Variants in SEMA3C observed in about 807,000 individuals in gnomAD.
SEMA3C encodes semaphorin-3C.
In SEMA3C, 47 loss-of-function variants were observed where a neutral mutation model predicts 89.4. The observed-to-expected ratio is 0.53, with a 90% CI of 0.42 to 0.67. SEMA3C has a LOEUF of 0.67. Ranked by LOEUF, SEMA3C falls within the 30% of genes least tolerant of loss-of-function variation. The pLI is 0.00. For missense variants in SEMA3C, 839 were observed against 929.1 expected, an observed-to-expected ratio of 0.90 and a Z score of 1.26; for synonymous variants, 310 against 320.2, an observed-to-expected ratio of 0.97 and a Z score of 0.34.
chr7:80,887,885 T>C (rs1791520799), intron 2 of SEMA3C, among the ~76,000 whole-genome samples: 1 of 152,214 alleles, frequency 6.6e-6, no homozygotes, highest in Admixed American at 6.5e-5. Flanking sequence ...ACATCTCTGA[T>C]TGTAATTTTG....
At chr7:80,864,958 T>C (rs1790890557) in intron 2 of SEMA3C, among the ~76,000 whole-genome samples, 1 of 152,168 alleles carries the variant, frequency 6.6e-6, no homozygotes, top group Non-Finnish European at 1.5e-5. Context: ...TTTCCAGCTC[T>C]CCTCACATCT....
chr7:80,768,183 G>T (rs753844646), intron 12 of SEMA3C, among the ~76,000 whole-genome samples: 3 of 152,144 alleles, frequency 2.0e-5, no homozygotes, highest in Admixed American at 2.0e-4. Context: ...TTAATTAAAA[G>T]GCTCTGAAAT....
intron 16 of SEMA3C, among the ~76,000 whole-genome samples, chr7:80,749,236 CTG>C (rs566388113): frequency 1.5e-4 from 23 of 152,250 alleles, no homozygotes; most frequent in African/African-American, 5.5e-4. Context: ...GAAGGAAAGA[CTG>C]TGAATTAAGG....
At chr7:80,914,103 CTCTG>C (rs1182635724) in intron 2 of SEMA3C, among the ~76,000 whole-genome samples, 3 of 152,158 alleles carry the variant, frequency 2.0e-5, no homozygotes, top group African/African-American at 4.8e-5. Context: ...TGCAAATGAC[CTCTG>C]TCTAATACAA....
chr7:80,872,993 C>A (rs546923011), intron 2 of SEMA3C, among the ~76,000 whole-genome samples: 50 of 151,546 alleles, frequency 3.3e-4, no homozygotes, highest in Admixed American at 3.0e-3. Context: ...CCTTGTGGAC[C>A]CCCTGAAAGA....
At position 80,745,147 on chromosome 7, in the gene SEMA3C, G is replaced by T; in HGVS notation, c.2003C>A (p.Ala668Asp). The change falls in exon 18 of 18, where the codon GCT becomes GAT. Residue 668 changes from alanine to aspartate, a missense_variant. Physicochemically the swap from Ala to Asp is moderately radical, Grantham distance 126. Transcript: ENST00000265361. ...NFKVLDSEMV[A>D]VVTDKWSPWT... is the part of the protein sequence containing the mutation. Reference sequence around the variant, plus strand: ...TGGGGACCATTTGTCCGTCACAACAGCCACCATTTCTGAATCTAAAACTTT... The same window carrying T: ...TGGGGACCATTTGTCCGTCACAACATCCACCATTTCTGAATCTAAAACTTT... The T allele has an allele frequency of 6.2e-7, 1 of 1,614,032 alleles. No homozygotes were observed.
intron 2 of SEMA3C, among the ~76,000 whole-genome samples, chr7:80,912,289 C>T (rs1288333571): frequency 6.6e-6 from 1 of 152,182 alleles, no homozygotes; most frequent in Non-Finnish European, 1.5e-5. Context: ...TTTCCTCCCT[C>T]CAATTCAAGT....
chr7:80,872,212 G>A (rs751317521), intron 2 of SEMA3C, among the ~76,000 whole-genome samples: 2 of 151,970 alleles, frequency 1.3e-5, no homozygotes, highest in African/African-American at 4.8e-5. Context: ...GTGCAGTGGC[G>A]CAATCTCGGC....
At chr7:80,796,561 C>G (rs1789070623) in intron 11 of SEMA3C, 1 of 152,104 alleles carries the variant, frequency 6.6e-6, no homozygotes, top group Non-Finnish European at 1.5e-5. Context: ...CTTAAAACGG[C>G]TGTATCTGCT....
rs112211382 is a variant in SEMA3C at position 80,804,042 on chromosome 7, C to T, written c.801+64G>A. On this transcript the variant is annotated intron_variant, in intron 8 of 17. Transcript: ENST00000265361. The stretch of plus-strand genomic sequence containing the variant: ...TTTGTAATGGTTGATAATAAAAGCA[C>T]GGAGATAAACCATAATTTGAATTTC... 6.1e-4 allele frequency: 862 copies of T among 1,407,650 alleles called. 3 individuals are homozygous for T. The highest frequency in any genetic ancestry group is 7.6e-4 in the Non-Finnish European group (794 of 1,051,496). The allele number at this position is 1,407,650 out of a possible 1,614,324, so 87.2% of individuals were successfully genotyped here.
chr7:80,888,987 C>T (rs1791548454), intron 2 of SEMA3C, among the ~76,000 whole-genome samples: 1 of 152,108 alleles, frequency 6.6e-6, no homozygotes, highest in African/African-American at 2.4e-5. Context: ...CCTCAGCCTC[C>T]CGAGTAGCTG....
chr7:80,817,548 A>G (rs973952912), intron 5 of SEMA3C, among the ~76,000 whole-genome samples: 1 of 152,222 alleles, frequency 6.6e-6, no homozygotes, highest in Non-Finnish European at 1.5e-5. Flanking sequence ...CTTAGTCAAC[A>G]GCTGTGGACT....
intron 11 of SEMA3C, among the ~76,000 whole-genome samples, chr7:80,793,008 G>A (rs1562877339): frequency 6.6e-6 from 1 of 152,154 alleles, no homozygotes; most frequent in African/African-American, 2.4e-5. Context: ...ATGTGCTAAC[G>A]TAAAATATTT....
chr7:80,881,277 T>C (rs1791334641), intron 2 of SEMA3C, among the ~76,000 whole-genome samples: 2 of 151,914 alleles, frequency 1.3e-5, no homozygotes, highest in South Asian at 4.2e-4. Flanking sequence ...AGATTATTCT[T>C]CCAAATGAAT....
intron 2 of SEMA3C, among the ~76,000 whole-genome samples, chr7:80,868,029 A>G (rs1310957799): frequency 2.0e-5 from 3 of 152,214 alleles, no homozygotes; most frequent in Non-Finnish European, 4.4e-5. Flanking sequence ...TAATTGTATT[A>G]TGAAATCTTG....
At chr7:80,784,460 A>AC (rs1788757650) in intron 12 of SEMA3C, among the ~76,000 whole-genome samples, 1 of 151,140 alleles carries the variant, frequency 6.6e-6, no homozygotes, top group African/African-American at 2.4e-5. Context: ...AAGTAGCAGC[A>AC]TTTTTTTTTA....
intron 2 of SEMA3C, among the ~76,000 whole-genome samples, chr7:80,912,431 G>A (rs1371557382): frequency 6.6e-6 from 1 of 152,102 alleles, no homozygotes; most frequent in African/African-American, 2.4e-5. Flanking sequence ...TTTTATAACA[G>A]TTTTTACCTT....
intron 2 of SEMA3C, among the ~76,000 whole-genome samples, chr7:80,886,215 C>A (rs560212773): frequency 1.3e-3 from 200 of 151,168 alleles, no homozygotes; most frequent in Non-Finnish European, 2.5e-3. Flanking sequence ...TTTTTTTTTA[C>A]TTTTAATTTC....
intron 2 of SEMA3C, among the ~76,000 whole-genome samples, chr7:80,858,431 T>C (rs561501209): frequency 6.6e-6 from 1 of 152,268 alleles, no homozygotes; most frequent in East Asian, 1.9e-4. Flanking sequence ...TGTCCAGATA[T>C]ATTCCAAACT....
Sources: gnomAD v4.1 joint callset for allele counts (sites outside exome capture counted in the v4.1 genomes callset) on GRCh38, gnomAD v4.1.1 for gene constraint, MANE v1.5 for transcripts, NCBI Gene and HGNC (gene_info 2026-07-23, HGNC 2026-07-21) for gene names.